FREM2: variants seen among roughly 807,000 people sequenced by gnomAD.
FREM2 encodes the protein FRAS1-related extracellular matrix protein 2.
In FREM2, 119 loss-of-function variants were observed where a neutral mutation model predicts 219.9. The observed-to-expected ratio is 0.54, with a 90% CI of 0.47 to 0.63. The LOEUF is 0.63. Ranked by LOEUF, FREM2 falls within the 30% of genes least tolerant of loss-of-function variation. The pLI, the probability that FREM2 is intolerant of heterozygous loss-of-function variation, is 0.00. For synonymous variants in FREM2, 1,562 were observed against 1,522.8 expected (o/e 1.03, Z -0.60); for missense variants, 4,030 against 3,993.6 (o/e 1.01, Z -0.25).
At chr13:38,840,443 G>A (rs1245645536) in intron 6 of FREM2, among the ~76,000 whole-genome samples, 1 of 143,194 alleles carries the variant, frequency 7.0e-6, no homozygotes, top group Non-Finnish European at 1.5e-5. Flanking sequence ...TTTTTTTAAT[G>A]CGGAGTCTGG....
intron 6 of FREM2, among the ~76,000 whole-genome samples, chr13:38,788,617 T>C (rs1246872756): frequency 6.6e-6 from 1 of 152,192 alleles, no homozygotes; most frequent in Non-Finnish European, 1.5e-5. Flanking sequence ...ATCATTTCTT[T>C]TCATTCACTT....
intron 6 of FREM2, among the ~76,000 whole-genome samples, chr13:38,812,171 C>T (rs1228868496): frequency 6.6e-6 from 1 of 152,018 alleles, no homozygotes; most frequent in East Asian, 1.9e-4. Flanking sequence ...CATTTATTTT[C>T]AGTCTATGTG....
intron 3 of FREM2, among the ~76,000 whole-genome samples, chr13:38,765,798 T>C (rs376656581): frequency 4.6e-5 from 7 of 152,184 alleles, no homozygotes; most frequent in African/African-American, 1.7e-4. Flanking sequence ...GCAGGGGGGC[T>C]GGTCTCCCCG....
chr13:38,729,115 C>T (rs1402334952), intron 2 of FREM2, among the ~76,000 whole-genome samples: 1 of 152,182 alleles, frequency 6.6e-6, no homozygotes. Flanking sequence ...TAGAGAGTCA[C>T]AGTAGTCACA....
chr13:38,790,868 A>G (rs1593409771), intron 6 of FREM2, among the ~76,000 whole-genome samples: 1 of 152,220 alleles, frequency 6.6e-6, no homozygotes, highest in Admixed American at 6.5e-5. Flanking sequence ...ATCCAAGTCA[A>G]GCCCAAAATA....
intron 6 of FREM2, among the ~76,000 whole-genome samples, chr13:38,813,653 A>G (rs1875635803): frequency 7.2e-6 from 1 of 138,618 alleles, no homozygotes; most frequent in African/African-American, 2.7e-5. Context: ...TGAGAGTTTG[A>G]TTATTAAATG....
chr13:38,871,844 C>T lies in FREM2; in HGVS notation c.7984-898C>T, dbSNP rs1029244903. Among the ~76,000 whole-genome samples, 56 of 152,024 alleles carry T rather than the reference C, an allele frequency of 3.7e-4. 1 individual carries two copies. ...AATATTAGTTTATCCTCCACTATTC[C>T]CAACCCATCTGCTAAACACCAGAAG... On this transcript the variant is annotated intron_variant, in intron 16 of 23. Coordinates refer to ENST00000280481, the MANE Select transcript of FREM2 (RefSeq NM_207361.6).
intron 6 of FREM2, among the ~76,000 whole-genome samples, chr13:38,845,992 T>G (rs1464904773): frequency 6.6e-6 from 1 of 152,184 alleles, no homozygotes. Flanking sequence ...TCTCCAATAC[T>G]CTACAGGCAA....
At chr13:38,735,588 C>T (rs568559285) in intron 2 of FREM2, among the ~76,000 whole-genome samples, 17 of 151,792 alleles carry the variant, frequency 1.1e-4, no homozygotes, top group Non-Finnish European at 1.9e-4. Flanking sequence ...TTATAGCAAG[C>T]GCTTAAAAAA....
Position 38,848,778 on chromosome 13 carries a change from G to A in FREM2, c.6379+108G>A, listed in dbSNP as rs1877262449. Reference sequence around the variant, plus strand: ...TTATATATATTTGTTTGTTTGCTAGGGCTTCCATAACAAAGTAGCACTGTC... The same window carrying A: ...TTATATATATTTGTTTGTTTGCTAGAGCTTCCATAACAAAGTAGCACTGTC... On this transcript the variant is annotated intron_variant, in intron 8 of 23. Transcript: ENST00000280481. The A allele has an allele frequency of 3.9e-6, 4 of 1,012,936 alleles. No individual in the cohort carries two copies. The Admixed American group carries it at 8.8e-5, about 22-fold the overall frequency. The allele number at this position is 1,012,936 out of a possible 1,614,324, so 62.7% of individuals were successfully genotyped here. A position where few individuals can be genotyped will look rare whatever the true frequency, so the allele number is the denominator to read the frequency against.
Position 38,769,819 on chromosome 13 carries a change from T to C in FREM2, c.5641+11T>C. ...TTGATCCAGGAGATGGTAAGAGCCA[T>C]CGTCAACTGGTTTATGTTGTTGCTG... On this transcript the variant is annotated intron_variant, in intron 4 of 23. Coordinates refer to ENST00000280481, the MANE Select transcript of FREM2 (RefSeq NM_207361.6). The C allele has an allele frequency of 1.9e-6, 3 of 1,598,204 alleles. No homozygotes were observed. The highest frequency in any genetic ancestry group is 2.6e-6 in the Non-Finnish European group (3 of 1,165,480).
At chr13:38,760,783 C>T (rs1179883222) in intron 2 of FREM2, among the ~76,000 whole-genome samples, 1 of 151,830 alleles carries the variant, frequency 6.6e-6, no homozygotes, top group Non-Finnish European at 1.5e-5. Context: ...TAAATGAGCT[C>T]CCAGAACTCC....
chr13:38,820,295 G>T (rs954616830), intron 6 of FREM2, among the ~76,000 whole-genome samples: 1 of 151,988 alleles, frequency 6.6e-6, no homozygotes, highest in Non-Finnish European at 1.5e-5. Flanking sequence ...AGTTTGTTTT[G>T]TCTTTTTCCC....
chr13:38,760,084 A>G (rs1186086398), intron 2 of FREM2, among the ~76,000 whole-genome samples: 2 of 152,202 alleles, frequency 1.3e-5, no homozygotes, highest in Non-Finnish European at 2.9e-5. Flanking sequence ...AGAGTTATGT[A>G]GTATTTAATT....
chr13:38,869,209 T>G (rs949237177), intron 16 of FREM2, among the ~76,000 whole-genome samples: 2 of 152,250 alleles, frequency 1.3e-5, no homozygotes, highest in African/African-American at 4.8e-5. Context: ...GCCAAGTCCC[T>G]GCATTTTTCT....
intron 4 of FREM2, among the ~76,000 whole-genome samples, chr13:38,777,925 G>A (rs1160965420): frequency 1.3e-5 from 2 of 152,188 alleles, no homozygotes; most frequent in East Asian, 3.9e-4. Flanking sequence ...GAATTCCAGA[G>A]CGAAGGGCAC....
At chr13:38,811,908 G>T (rs34579176) in intron 6 of FREM2, among the ~76,000 whole-genome samples, 2 of 152,026 alleles carry the variant, frequency 1.3e-5, no homozygotes, top group African/African-American at 4.8e-5. Context: ...GTCTCTAGCT[G>T]TTATTGCATT....
At chr13:38,830,652 G>C (rs1002651798) in intron 6 of FREM2, among the ~76,000 whole-genome samples, 1 of 152,122 alleles carries the variant, frequency 6.6e-6, no homozygotes, top group African/African-American at 2.4e-5. Context: ...CTGGGCTTTC[G>C]CCCTTTCCTA....
At chr13:38,839,216 C>A (rs977530676) in intron 6 of FREM2, among the ~76,000 whole-genome samples, 1 of 152,184 alleles carries the variant, frequency 6.6e-6, no homozygotes, top group Non-Finnish European at 1.5e-5. Context: ...ACAGTCAGGT[C>A]CCTCTTCTGC....
Sources: gnomAD v4.1 joint callset for allele counts (sites outside exome capture counted in the v4.1 genomes callset) on GRCh38, gnomAD v4.1.1 for gene constraint, MANE v1.5 for transcripts, NCBI Gene and HGNC (gene_info 2026-07-23, HGNC 2026-07-21) for gene names.